GALNTL6: variants seen among roughly 807,000 people sequenced by gnomAD.
GALNTL6 encodes the protein polypeptide N-acetylgalactosaminyltransferase-like 6.
In GALNTL6, 46 loss-of-function variants were observed where a neutral mutation model predicts 73.7. The ratio of observed to expected loss-of-function variants is 0.62; its 90% CI spans 0.49 to 0.80. The LOEUF is 0.80. Ranked by LOEUF, GALNTL6 falls within the 30% of genes least tolerant of loss-of-function variation. GALNTL6 has a pLI of 0.00. For synonymous variants in GALNTL6, 259 were observed against 263.7 expected, an observed-to-expected ratio of 0.98 and a Z score of 0.17; for missense variants, 604 against 755.0, an observed-to-expected ratio of 0.80 and a Z score of 2.34.
intron 2 of GALNTL6, among the ~76,000 whole-genome samples, chr4:171,903,546 A>G (rs1004965465): frequency 3.3e-5 from 5 of 149,936 alleles, no homozygotes; most frequent in Non-Finnish European, 5.9e-5. Context: ...TCAAACTGCA[A>G]GGCGGCAGCG....
chr4:172,818,304 A>G (rs771565594), intron 7 of GALNTL6, among the ~76,000 whole-genome samples: 1 of 152,224 alleles, frequency 6.6e-6, no homozygotes, highest in African/African-American at 2.4e-5. Flanking sequence ...AATAGAAATA[A>G]TCGATTCAGC....
chr4:171,967,945 G>T (rs758801268), intron 2 of GALNTL6, among the ~76,000 whole-genome samples: 1 of 152,042 alleles, frequency 6.6e-6, no homozygotes, highest in Non-Finnish European at 1.5e-5. Flanking sequence ...GTCCTAGGAC[G>T]CCTGAAGCAT....
chr4:172,332,039 T>C (rs1741145488), intron 4 of GALNTL6, among the ~76,000 whole-genome samples: 1 of 152,136 alleles, frequency 6.6e-6, no homozygotes, highest in South Asian at 2.1e-4. Flanking sequence ...ACACCTCTCT[T>C]TTGTTTTTTT....
intron 2 of GALNTL6, among the ~76,000 whole-genome samples, chr4:171,961,768 G>A (rs922059267): frequency 2.0e-5 from 3 of 152,120 alleles, no homozygotes; most frequent in Admixed American, 1.3e-4. Flanking sequence ...AAGGGGGATG[G>A]GTAATGTAAA....
intron 5 of GALNTL6, among the ~76,000 whole-genome samples, chr4:172,609,623 CTCTGTGTGTGTGTGTG>C (rs1389488578): frequency 3.2e-5 from 3 of 92,620 alleles, no homozygotes; most frequent in South Asian, 4.2e-4. Flanking sequence ...CTCTCTCTCT[CTCTGTGTGTGTGTGTG>C]TGTGTGTGTG....
intron 7 of GALNTL6, among the ~76,000 whole-genome samples, chr4:172,870,557 T>G (rs1744872738): frequency 6.6e-6 from 1 of 152,222 alleles, no homozygotes; most frequent in Non-Finnish European, 1.5e-5. Context: ...ATTTCTCTCT[T>G]TGGTCTCTTT....
chr4:172,448,512 C>T (rs895503674), intron 5 of GALNTL6, among the ~76,000 whole-genome samples: 1 of 152,124 alleles, frequency 6.6e-6, no homozygotes, highest in Non-Finnish European at 1.5e-5. Flanking sequence ...AGAAGTTACT[C>T]ATATTTATAA....
At chr4:172,143,914 C>T (rs1490811747) in intron 2 of GALNTL6, among the ~76,000 whole-genome samples, 1 of 151,982 alleles carries the variant, frequency 6.6e-6, no homozygotes, top group Non-Finnish European at 1.5e-5. Context: ...TATAATTTGC[C>T]CTTTCTGGAG....
At position 172,731,035 on chromosome 4, in the gene GALNTL6, G is replaced by A. The variant is rs138957265; in HGVS notation, c.554-78326G>A. On this transcript the variant is annotated intron_variant, in intron 5 of 12. Coordinates refer to ENST00000506823, the MANE Select transcript of GALNTL6 (RefSeq NM_001034845.3). ...GTGGAGGTTGTAGTAAGCCGAGATC[G>A]CACCACTGCACTCCAGCCTGGGCTA... Among the ~76,000 whole-genome samples the A allele has an allele frequency of 8.1e-3, 1,213 of 148,970 alleles. 18 individuals are homozygous for A. Among genetic ancestry groups the A allele is most frequent in the African/African-American group, 0.029 (1,153 of 40,326 alleles).
chr4:172,260,800 G>A (rs1326465762), intron 3 of GALNTL6, among the ~76,000 whole-genome samples: 1 of 151,290 alleles, frequency 6.6e-6, no homozygotes, highest in East Asian at 1.9e-4. Context: ...TTTGCCAAAG[G>A]TTTTAATCAT....
intron 2 of GALNTL6, among the ~76,000 whole-genome samples, chr4:171,964,134 C>A (rs1019599922): frequency 1.3e-5 from 2 of 151,832 alleles, no homozygotes; most frequent in African/African-American, 4.8e-5. Flanking sequence ...AGAACTGGCA[C>A]AAATAATAAT....
chr4:171,952,111 T>G (rs147765124), intron 2 of GALNTL6, among the ~76,000 whole-genome samples: 3 of 152,132 alleles, frequency 2.0e-5, no homozygotes, highest in African/African-American at 7.2e-5. Context: ...AGTAAAAGTA[T>G]TGGAATGGAG....
At chr4:171,834,026 TA>T (rs756440028) in intron 2 of GALNTL6, among the ~76,000 whole-genome samples, 2 of 150,246 alleles carry the variant, frequency 1.3e-5, no homozygotes, top group African/African-American at 2.4e-5. Context: ...CTTTGAAAAA[TA>T]AAAAAAAAGA....
At chr4:172,479,579 G>A (rs2111478807) in intron 5 of GALNTL6, among the ~76,000 whole-genome samples, 1 of 152,160 alleles carries the variant, frequency 6.6e-6, no homozygotes, top group South Asian at 2.1e-4. Context: ...GGAAACAAAG[G>A]ATTAAAAAAT....
intron 2 of GALNTL6, among the ~76,000 whole-genome samples, chr4:172,051,148 G>A (rs1730846522): frequency 6.6e-6 from 1 of 152,098 alleles, no homozygotes; most frequent in African/African-American, 2.4e-5. Flanking sequence ...TGGCTTGTGT[G>A]TTCAGCACCA....
chr4:172,074,310 A>C (rs1731638199), intron 2 of GALNTL6, among the ~76,000 whole-genome samples: 1 of 152,224 alleles, frequency 6.6e-6, no homozygotes. Flanking sequence ...TCAAAAATGT[A>C]AAACCTGCTT....
chr4:171,853,501 G>C (rs1325199616), intron 2 of GALNTL6, among the ~76,000 whole-genome samples: 1 of 78,274 alleles, frequency 1.3e-5, no homozygotes, highest in Non-Finnish European at 2.8e-5. Flanking sequence ...ATTTTTTTTT[G>C]TTTTCTTCTT....
At chr4:173,018,225 T>A (rs2126510057) in intron 11 of GALNTL6, among the ~76,000 whole-genome samples, 1 of 152,320 alleles carries the variant, frequency 6.6e-6, no homozygotes, top group Middle Eastern at 3.4e-3. Context: ...CGCCAGGAAA[T>A]TTCTATTAAT....
At chr4:172,673,129 T>C (rs1732084045) in intron 5 of GALNTL6, among the ~76,000 whole-genome samples, 1 of 152,208 alleles carries the variant, frequency 6.6e-6, no homozygotes, top group Non-Finnish European at 1.5e-5. Flanking sequence ...TATAGATCTG[T>C]CTAACTTTTT....
Sources: allele counts gnomAD v4.1 joint callset (sites outside exome capture counted in the v4.1 genomes callset), GRCh38; gene constraint gnomAD v4.1.1; transcripts MANE v1.5; gene names NCBI Gene and HGNC (gene_info 2026-07-23, HGNC 2026-07-21).